Variants in ERC1 observed in about 807,000 individuals in gnomAD.
ERC1 encodes ELKS/RAB6-interacting/CAST family member 1.
Under a neutral mutation model 132.0 loss-of-function variants are expected in ERC1, and 56 were observed. The observed-to-expected ratio is 0.42, with a 90% CI of 0.34 to 0.53. The LOEUF is 0.53. ERC1 is among the 20% of genes least tolerant of loss of function. ERC1 has a pLI of 0.03. For synonymous variants in ERC1, 478 were observed against 476.1 expected (o/e 1.00, Z -0.05); for missense variants, 1,202 against 1,349.9 (o/e 0.89, Z 1.72).
intron 1 of ERC1, among the ~76,000 whole-genome samples, chr12:1,024,734 A>G (rs867888802): frequency 2.6e-5 from 4 of 152,072 alleles, no homozygotes; most frequent in Admixed American, 6.6e-5. Context: ...AAAGAAGTCT[A>G]TAAAGTTGAT....
chr12:1,282,695 T>C (rs61912035), intron 14 of ERC1, among the ~76,000 whole-genome samples: 34,594 of 152,196 alleles, frequency 0.23, 4,724 homozygotes, highest in Non-Finnish European at 0.3. Flanking sequence ...TGTGTATATA[T>C]GTTTTCACTA....
intron 1 of ERC1, 150 bp downstream of exon 1, chr12:991,472 AG>A (rs1199447901): frequency 6.6e-6 from 1 of 151,390 alleles, no homozygotes; most frequent in Non-Finnish European, 1.5e-5. Flanking sequence ...GCCCCCGGGG[AG>A]GGGCGGAGCT....
In ERC1 at chr12:1,408,234, C is replaced by A. The variant is rs778529867; in HGVS notation, c.3011C>A (p.Pro1004His). The A allele has an allele frequency of 3.1e-6, 5 of 1,612,850 alleles. No homozygotes were observed. The Admixed American group carries it at 6.7e-5, about 22-fold the overall frequency. ...CATTCCAATCAAACAAATCACAAGC[C>A]CTCCCCAGACCAGGTAAGATGGCTC... The part of the protein sequence containing the change: ...SSHSNQTNHK[P>H]SPDQIIQPLL... Residue 1004 changes from proline (P) to histidine (H), a missense_variant, in exon 17 of 19, where the codon CCC becomes CAC. Transcript: ENST00000360905.
chr12:1,363,058 A>G (rs2086283649), intron 15 of ERC1, among the ~76,000 whole-genome samples: 1 of 152,238 alleles, frequency 6.6e-6, no homozygotes, highest in Admixed American at 6.5e-5. Context: ...AGTCATTTCC[A>G]GGAGCTTCTG....
chr12:1,040,987 G>A (rs1970115073), intron 2 of ERC1, among the ~76,000 whole-genome samples: 1 of 152,094 alleles, frequency 6.6e-6, no homozygotes, highest in Admixed American at 6.6e-5. Context: ...CTCTGTAGCA[G>A]TAATTCTTAA....
intron 18 of ERC1, 47 bp downstream of exon 18, chr12:1,444,797 T>A: frequency 6.3e-7 from 1 of 1,584,070 alleles, no homozygotes; most frequent in Non-Finnish European, 8.6e-7. Flanking sequence ...AAAATCCAGT[T>A]GCTGTGTAGG....
At chr12:1,406,218 C>T (rs904985855) in intron 16 of ERC1, among the ~76,000 whole-genome samples, 1 of 152,138 alleles carries the variant, frequency 6.6e-6, no homozygotes, top group African/African-American at 2.4e-5. Context: ...ACATAGCTTG[C>T]CTGAAGTCAG....
Position 1,083,552 on chromosome 12 carries a change from A to C in ERC1, c.1058A>C (p.Lys353Thr). ...VHHLESLLEQ[K>T]EKENSMLREE... The stretch of plus-strand genomic sequence containing the variant: ...CACCTAGAAAGCCTTTTGGAGCAGA[A>C]GGAAAAAGAGAACAGTATGTTGAGA... The change falls in exon 3 of 19, where the codon AAG (lysine) becomes ACG (threonine). Residue 353 changes from lysine (K) to threonine (T), a missense_variant. By Grantham distance (78) the Lys-to-Thr change is moderately conservative. Transcript: ENST00000360905. 6.2e-7 allele frequency: 1 copy of C among 1,606,898 alleles called. No individual in the cohort carries two copies. The highest frequency in any genetic ancestry group is 2.2e-5 in the East Asian group (1 of 44,880).
chr12:1,318,635 T>C (rs943743626), intron 15 of ERC1, among the ~76,000 whole-genome samples: 2 of 152,218 alleles, frequency 1.3e-5, no homozygotes, highest in African/African-American at 4.8e-5. Context: ...TGTGTAATTG[T>C]GTGAGAAGCA....
chr12:1,154,816 C>T (rs922577927), intron 8 of ERC1, among the ~76,000 whole-genome samples: 1 of 152,116 alleles, frequency 6.6e-6, no homozygotes, highest in African/African-American at 2.4e-5. Context: ...TGCTCAGCAT[C>T]ACTAATCATC....
chr12:1,377,599 G>A (rs528735132), intron 16 of ERC1, among the ~76,000 whole-genome samples: 2 of 152,342 alleles, frequency 1.3e-5, no homozygotes, highest in Admixed American at 1.3e-4. Flanking sequence ...AAAAGAAAAT[G>A]TATATAGGTT....
intron 14 of ERC1, among the ~76,000 whole-genome samples, chr12:1,279,353 T>C (rs977909522): frequency 6.6e-6 from 1 of 152,196 alleles, no homozygotes; most frequent in African/African-American, 2.4e-5. Context: ...GCTCTTCAAG[T>C]AATGCATTTG....
intron 2 of ERC1, among the ~76,000 whole-genome samples, chr12:1,049,943 A>AT (rs1478864816): frequency 1.3e-5 from 2 of 151,936 alleles, no homozygotes; most frequent in Non-Finnish European, 2.9e-5. Flanking sequence ...GGGTTTTACC[A>AT]TGTTGGCCAG....
At chr12:1,410,655 T>A (rs2091789406) in intron 17 of ERC1, among the ~76,000 whole-genome samples, 1 of 151,498 alleles carries the variant, frequency 6.6e-6, no homozygotes, top group Admixed American at 6.6e-5. Context: ...TTTTTTTTTT[T>A]TTTCTCGTTG....
Position 1,418,653 on chromosome 12 carries a change from C to T in ERC1, c.3024+10406C>T, listed in dbSNP as rs1399286800. On this transcript the variant is annotated intron_variant, in intron 17 of 18. Transcript: ENST00000360905. The stretch of plus-strand genomic sequence containing the variant: ...TTTCTTTCTTTCTTTCTCTCTCTCT[C>T]TCTCTCTCTTTCTTTTCTTTCTTTC... Among the ~76,000 whole-genome samples the T allele has an allele frequency of 3.4e-3, 445 of 132,488 alleles. 5 individuals carry two copies. Among genetic ancestry groups the T allele is most frequent in the African/African-American group, 0.011 (363 of 32,854 alleles). 86.9% of individuals were successfully genotyped at this position (132,488 alleles called of 152,430 possible).
At chr12:1,292,533 G>A (rs2079527400) in intron 15 of ERC1, among the ~76,000 whole-genome samples, 1 of 152,210 alleles carries the variant, frequency 6.6e-6, no homozygotes, top group Non-Finnish European at 1.5e-5. Flanking sequence ...AAAGCTGGCA[G>A]AGAAATCCAA....
chr12:1,225,449 T>TAAAACACACACACACACAC (rs139203394), intron 12 of ERC1, among the ~76,000 whole-genome samples: 41 of 131,846 alleles, frequency 3.1e-4, no homozygotes, highest in East Asian at 9.0e-4. Context: ...GGCTGTCTCT[T>TAAAACACACACACACACAC]ACACACACAC....
At position 998,855 on chromosome 12, in the gene ERC1, T is replaced by TC. The variant is rs1291312063; in HGVS notation, c.-157+7533_-157+7534insC. The stretch of plus-strand genomic sequence containing the variant: ...TTCTCTGGGCTCTTTCTCTGTCACT[T>TC]TTTTTTTTTTTTTTTTTTTTTTGAG... On this transcript the variant is annotated intron_variant, in intron 1 of 18. Coordinates refer to ENST00000360905, the MANE Select transcript of ERC1 (RefSeq NM_178040.4). Among the ~76,000 whole-genome samples the TC allele has an allele frequency of 4.0e-5, 4 of 100,078 alleles. No homozygotes were observed. In the South Asian group the frequency reaches 1.1e-3, roughly 26 times the overall value. The allele number at this position is 100,078 out of a possible 152,430, so 65.7% of individuals were successfully genotyped here. A position where few individuals can be genotyped will look rare whatever the true frequency, so the allele number is the denominator to read the frequency against.
At chr12:1,135,644 A>T (rs898147798) in intron 7 of ERC1, among the ~76,000 whole-genome samples, 4 of 152,210 alleles carry the variant, frequency 2.6e-5, no homozygotes, top group African/African-American at 9.6e-5. Flanking sequence ...GAGAGGACAT[A>T]TAAAGATACA....
Sources: gnomAD v4.1 joint callset for allele counts (sites outside exome capture counted in the v4.1 genomes callset) on GRCh38, gnomAD v4.1.1 for gene constraint, MANE v1.5 for transcripts, NCBI Gene and HGNC (gene_info 2026-07-23, HGNC 2026-07-21) for gene names.